The following NDUFA10 variants were observed in gnomAD, a reference collection of about 807,000 sequenced individuals.
NDUFA10 encodes the protein NADH:ubiquinone oxidoreductase subunit A10.
NDUFA10 carries 40 observed loss-of-function variants against 47.8 expected under a neutral mutation model. The ratio of observed to expected loss-of-function variants is 0.84; its 90% CI spans 0.65 to 1.09. NDUFA10 has a LOEUF of 1.09. Ranked by LOEUF, NDUFA10 falls within the 50% of genes least tolerant of loss-of-function variation. NDUFA10 has a pLI of 0.00. For missense variants in NDUFA10, 413 were observed against 451.1 expected (o/e 0.92, Z 0.76); for synonymous variants, 183 against 172.2 (o/e 1.06, Z -0.49).
rs978141177 is a variant in NDUFA10, at chr2:239,987,101, G to C, written c.999+2973C>G. 6.6e-6 allele frequency among the ~76,000 whole-genome samples: 1 copy of C among 152,152 alleles called. No homozygotes were observed. Among genetic ancestry groups the C allele is most frequent in the Non-Finnish European group, 1.5e-5 (1 of 68,026 alleles). On this transcript the variant is annotated intron_variant, in intron 9 of 9. Coordinates refer to ENST00000252711, the MANE Select transcript of NDUFA10 (RefSeq NM_004544.4). The surrounding 1 kb of genome is among the most constrained non-coding windows in gnomAD (Gnocchi z 4.8). ...CCATCACCCTGGATTGGCTATTCTT[G>C]CTCAGAAGAACATGGCTAGGATAAA...
In NDUFA10 at chr2:239,982,813, T is replaced by C. The variant is rs190824202; in HGVS notation, c.999+7261A>G. Among the ~76,000 whole-genome samples, 6 of 152,358 alleles carry C rather than the reference T, an allele frequency of 3.9e-5. No individual in the cohort carries two copies. In the East Asian group the frequency reaches 1.2e-3, roughly 29 times the overall value. ...AAAGAGTTGGAGAAAATGGGTTTTA[T>C]AGTTAGGGTTTGATTTTTAACGTGT... On this transcript the variant is annotated intron_variant, in intron 9 of 9. Transcript: ENST00000252711.
chr2:240,014,660 A>G (rs1697266746), intron 5 of NDUFA10, 79 bp downstream of exon 5: 1 of 1,593,770 alleles, frequency 6.3e-7, no homozygotes. Flanking sequence ...ATTAGTATAA[A>G]TGCTATTAAA....
intron 8 of NDUFA10, among the ~76,000 whole-genome samples, 198 bp from the exon 9 acceptor site, chr2:239,990,380 T>A (rs1437486481): frequency 6.6e-6 from 1 of 152,238 alleles, no homozygotes; most frequent in Non-Finnish European, 1.5e-5. Context: ...TGCTTTTTAA[T>A]ATTACTCTCA....
chr2:239,967,713 G>A (rs1362877482), intron 9 of NDUFA10, among the ~76,000 whole-genome samples: 3 of 152,200 alleles, frequency 2.0e-5, no homozygotes, highest in African/African-American at 7.2e-5. Flanking sequence ...AGGTGAGGTC[G>A]CAGAGGCAGC....
chr2:239,960,953 A>T lies in NDUFA10; in HGVS notation c.*165T>A. 1 of 1,521,300 alleles carries T rather than the reference A, an allele frequency of 6.6e-7. No individual in the cohort carries two copies. The highest frequency in any genetic ancestry group is 8.8e-7 in the Non-Finnish European group (1 of 1,132,128). The allele number at this position is 1,521,300 out of a possible 1,614,324, so 94.2% of individuals were successfully genotyped here. A position where few individuals can be genotyped will look rare whatever the true frequency, so the allele number is the denominator to read the frequency against. ...GGAAGCTGCTTCCCCCAACTCCATTACCTATACTACAGGATGGATTGCTTT... is the reference window on the plus strand; with the variant it reads ...GGAAGCTGCTTCCCCCAACTCCATTTCCTATACTACAGGATGGATTGCTTT... On this transcript the variant is annotated 3_prime_UTR_variant, in exon 10 of 10. Transcript: ENST00000252711.
chr2:239,972,221 T>C (rs1695332724), intron 9 of NDUFA10, among the ~76,000 whole-genome samples: 2 of 151,948 alleles, frequency 1.3e-5, no homozygotes, highest in Non-Finnish European at 2.9e-5. Context: ...TACATATAAA[T>C]AAATATGTGT....
chr2:240,022,703 G>A (rs1265681873), intron 1 of NDUFA10, among the ~76,000 whole-genome samples: 1 of 152,038 alleles, frequency 6.6e-6, no homozygotes, highest in Non-Finnish European at 1.5e-5. Flanking sequence ...AGGGATGGAG[G>A]GAAGCTCAGG....
intron 4 of NDUFA10, among the ~76,000 whole-genome samples, chr2:239,935,743 T>C (rs1694254105): frequency 6.6e-6 from 1 of 152,120 alleles, no homozygotes; most frequent in Non-Finnish European, 1.5e-5. Flanking sequence ...ATCTGATGGT[T>C]TTATAGGGGA....
intron 4 of NDUFA10, among the ~76,000 whole-genome samples, chr2:239,941,656 C>T (rs1046750263): frequency 6.6e-6 from 1 of 150,982 alleles, no homozygotes; most frequent in African/African-American, 2.4e-5. Context: ...ACCTGAGAGG[C>T]GGAGCTTGCA....
chr2:239,983,750 G>C (rs547010282), intron 9 of NDUFA10: 2 of 1,545,664 alleles, frequency 1.3e-6, no homozygotes, highest in South Asian at 2.4e-5. Flanking sequence ...TCAACTGAGG[G>C]AGAGTCTACA....
chr2:239,918,323 T>C (rs10188651), intron 4 of NDUFA10, among the ~76,000 whole-genome samples: 1,662 of 152,170 alleles, frequency 0.011, 40 homozygotes, highest in African/African-American at 0.038. Flanking sequence ...GACTGGACAC[T>C]GGACATACAT....
chr2:239,960,923 A>G lies in NDUFA10; in HGVS notation c.*195T>C. 6.7e-7 allele frequency: 1 copy of G among 1,483,564 alleles called. No individual in the cohort carries two copies. The highest frequency in any genetic ancestry group is 9.0e-7 in the Non-Finnish European group (1 of 1,113,970). 91.9% of individuals were successfully genotyped at this position (1,483,564 alleles called of 1,614,324 possible). A position where few individuals can be genotyped will look rare whatever the true frequency, so the allele number is the denominator to read the frequency against. ...CAAAGCTAAAGGGTTCCAAACATCCAGAATGGAAGCTGCTTCCCCCAACTC... is the reference window on the plus strand; with the variant it reads ...CAAAGCTAAAGGGTTCCAAACATCCGGAATGGAAGCTGCTTCCCCCAACTC... On this transcript the variant is annotated 3_prime_UTR_variant, in exon 10 of 10. Coordinates refer to ENST00000252711, the MANE Select transcript of NDUFA10 (RefSeq NM_004544.4).
rs145000309 is a variant in NDUFA10, at chr2:239,969,673, TCA to T, written c.1000-8489_1000-8488del. On this transcript the variant is annotated intron_variant, in intron 9 of 9. Coordinates refer to ENST00000252711, the MANE Select transcript of NDUFA10 (RefSeq NM_004544.4). ...GAAGAGCAAAGGCTCTCCTGCCATC[TCA>T]GACTTCCTCTCCCCGATCCTTCAAA... The T allele has an allele frequency of 3.4e-3, 1,608 of 471,342 alleles. 20 individuals carry two copies. Among genetic ancestry groups the T allele is most frequent in the African/African-American group, 0.029 (1,475 of 50,194 alleles). The allele number at this position is 471,342 out of a possible 1,614,324, so 29.2% of individuals were successfully genotyped here.
intron 4 of NDUFA10, among the ~76,000 whole-genome samples, chr2:239,949,358 G>T (rs2106383082): frequency 1.3e-5 from 2 of 152,270 alleles, no homozygotes; most frequent in East Asian, 3.9e-4. Context: ...GATTTTTGGG[G>T]TGTATCTGTG....
chr2:239,900,315 C>CATATATATATATATATATATAT (rs142452963), intron 4 of NDUFA10, among the ~76,000 whole-genome samples: 3 of 142,636 alleles, frequency 2.1e-5, no homozygotes, highest in African/African-American at 7.9e-5. Flanking sequence ...AACTCCCCTT[C>CATATATATATATATATATATAT]ATATATATAT....
At chr2:240,017,129 A>G (rs528398358) in intron 4 of NDUFA10, among the ~76,000 whole-genome samples, 1 of 152,222 alleles carries the variant, frequency 6.6e-6, no homozygotes, top group East Asian at 1.9e-4. Flanking sequence ...CACCAAATGC[A>G]TCCTTCAGAT....
intron 4 of NDUFA10, among the ~76,000 whole-genome samples, chr2:239,929,630 T>TGCTCTTGCTCCTCCACC (rs1694125844): frequency 6.9e-6 from 1 of 145,980 alleles, no homozygotes; most frequent in African/African-American, 2.6e-5. Context: ...GCTCCTCCAC[T>TGCTCTTGCTCCTCCACC]GCTCTTGCTC....
intron 9 of NDUFA10, among the ~76,000 whole-genome samples, chr2:239,985,619 G>T (rs887112233): frequency 6.6e-6 from 1 of 152,124 alleles, no homozygotes; most frequent in African/African-American, 2.4e-5. Flanking sequence ...CACACTGTGG[G>T]ACGCCAAGGC....
rs1311788721 is a variant in NDUFA10 at position 239,915,829 on chromosome 2, C to T, written c.295-20515G>A. ...AGAGAGACACACAGAGATACACAAA[C>T]ACACACACAGAACACACACATACAC... On this transcript the variant is annotated intron_variant, in intron 4 of 5. Coordinates refer to the NDUFA10 transcript ENST00000419408. Among the ~76,000 whole-genome samples the T allele has an allele frequency of 3.0e-5, 4 of 134,702 alleles. No homozygotes were observed. The East Asian group carries it at 7.3e-4, about 25-fold the overall frequency. 88.4% of individuals were successfully genotyped at this position (134,702 alleles called of 152,430 possible). A position where few individuals can be genotyped will look rare whatever the true frequency, so the allele number is the denominator to read the frequency against.
Sources: gnomAD v4.1 joint callset for allele counts (sites outside exome capture counted in the v4.1 genomes callset) on GRCh38, gnomAD v4.1.1 for gene constraint, Gnocchi (gnomAD v3.1) non-coding constraint, MANE v1.5 for transcripts, NCBI Gene and HGNC (gene_info 2026-07-23, HGNC 2026-07-21) for gene names.